Variants in MAL observed in about 807,000 individuals in gnomAD.
The protein encoded by MAL is myelin and lymphocyte protein.
MAL carries 5 observed loss-of-function variants against 16.7 expected under a neutral mutation model. The observed-to-expected ratio is 0.30, with a 90% CI of 0.16 to 0.63. The LOEUF is 0.63. Among genes scored for constraint, MAL ranks in the 30% least tolerant of loss-of-function variants. The pLI is 0.82. For synonymous variants in MAL, 96 were observed against 85.5 expected (o/e 1.12, Z -0.67); for missense variants, 202 against 195.8 (o/e 1.03, Z -0.19).
chr2:95,034,308 G>A (rs931205475), intron 1 of MAL, among the ~76,000 whole-genome samples: 1 of 152,134 alleles, frequency 6.6e-6, no homozygotes, highest in Non-Finnish European at 1.5e-5. Context: ...AGAGCTTGAT[G>A]GAGCAGCCAA....
intron 1 of MAL, among the ~76,000 whole-genome samples, chr2:95,042,439 T>A (rs1179548248): frequency 6.6e-6 from 1 of 152,212 alleles, no homozygotes; most frequent in Non-Finnish European, 1.5e-5. Flanking sequence ...GTGCCCCAGG[T>A]GACTTAATGT....
intron 1 of MAL, among the ~76,000 whole-genome samples, chr2:95,037,172 A>G (rs1407118371): frequency 2.0e-5 from 3 of 150,258 alleles, no homozygotes; most frequent in Non-Finnish European, 4.4e-5. Flanking sequence ...TGAGTGAGTG[A>G]CTGAGTGAGT....
At chr2:95,038,332 CTGAG>C (rs1222197912) in intron 1 of MAL, among the ~76,000 whole-genome samples, 3 of 125,574 alleles carry the variant, frequency 2.4e-5, no homozygotes, top group African/African-American at 6.1e-5. Context: ...GAGTGAGTGA[CTGAG>C]TGAGTGAGTA....
chr2:95,038,564 GTGACTGAGTGACTGAGTGAGTGAC>G (rs1674326214), intron 1 of MAL, among the ~76,000 whole-genome samples: 1 of 151,046 alleles, frequency 6.6e-6, no homozygotes, highest in East Asian at 2.0e-4. Context: ...GAGTGAGTGA[GTGACTGAGTGACTGAGTGAGTGAC>G]TGAGTGACTG....
At chr2:95,026,831 G>A (rs1003509471) in intron 1 of MAL, 13 of 152,312 alleles carry the variant, frequency 8.5e-5, no homozygotes, top group African/African-American at 2.7e-4. Context: ...TCAGCGTGGA[G>A]AGTTGGGCGG....
At chr2:95,049,537 C>T (rs200296629) in intron 2 of MAL, 44 bp from the exon 3 acceptor site, 100 of 1,609,414 alleles carry the variant, frequency 6.2e-5, no homozygotes, top group Non-Finnish European at 7.5e-5. Context: ...ATCTGGGCCC[C>T]GTCTCTCTCT....
rs1215547986 is a variant in MAL at position 95,046,954 on chromosome 2, AAAG to A, written c.94-1002_94-1000del. The stretch of plus-strand genomic sequence containing the variant: ...AGAAAGAGAAAGAAAGAAAGAGAAA[AAAG>A]AAAGAAAGAAAGAAGAAAGAAAGAA... On this transcript the variant is annotated intron_variant, in intron 1 of 3. Coordinates refer to ENST00000309988, the MANE Select transcript of MAL (RefSeq NM_002371.4). Among the ~76,000 whole-genome samples, 11 of 148,148 alleles carry A rather than the reference AAAG, an allele frequency of 7.4e-5. No homozygotes were observed. In the East Asian group the frequency reaches 1.2e-3, roughly 16 times the overall value.
At chr2:95,038,861 T>TGAGTGAGTGAGCAAGTGAGTGAATGACC (rs1674344756) in intron 1 of MAL, among the ~76,000 whole-genome samples, 1 of 12,100 alleles carries the variant, frequency 8.3e-5, no homozygotes, top group Non-Finnish European at 1.4e-4. Context: ...AGTGACTGAG[T>TGAGTGAGTGAGCAAGTGAGTGAATGACC]GAGTGACTGA....
At chr2:95,026,648 T>C (rs1337854732) in intron 1 of MAL, 1 of 151,892 alleles carries the variant, frequency 6.6e-6, no homozygotes, top group East Asian at 2.0e-4. Context: ...CGCTTCCTAC[T>C]GAGAACTCCT....
chr2:95,053,023 A>G (rs1336446441), intron 3 of MAL: 1 of 207,700 alleles, frequency 4.8e-6, no homozygotes, highest in Non-Finnish European at 9.6e-6. Flanking sequence ...TGGGGGAGGA[A>G]GTTGTCCCTG....
rs1674764860 is a variant in MAL at position 95,053,468 on chromosome 2, A to C, written c.*13A>C. On this transcript the variant is annotated 3_prime_UTR_variant, in exon 4 of 4. Transcript: ENST00000309988. ...GAAGTCTTCATAAAGCCGCAGTAGA[A>C]CTTGAGCTGAAAACCCAGATGGTGT... The C allele has an allele frequency of 6.2e-7, 1 of 1,605,296 alleles. No homozygotes were observed. Among genetic ancestry groups the C allele is most frequent in the Admixed American group, 1.7e-5 (1 of 59,962 alleles).
Position 95,048,127 on chromosome 2 carries a change from G to T in MAL, c.261+1G>T. The T allele has an allele frequency of 6.2e-7, 1 of 1,610,886 alleles. No homozygotes were observed. Among genetic ancestry groups the T allele is most frequent in the Non-Finnish European group, 8.5e-7 (1 of 1,177,088 alleles). On this transcript the variant is annotated splice_donor_variant, in intron 2 of 3. Transcript: ENST00000309988. LOFTEE classifies it high-confidence loss of function. ...TGGAGAGACTTCCTGGGTCACCTTG[G>T]TGAGTCCAGCCCAGGGTGGCTGCTG... is the stretch of plus-strand genomic sequence containing the variant.
intron 1 of MAL, among the ~76,000 whole-genome samples, chr2:95,037,935 A>G (rs1674287619): frequency 6.7e-6 from 1 of 150,220 alleles, no homozygotes; most frequent in Non-Finnish European, 1.5e-5. Flanking sequence ...TGAGTGAGTG[A>G]GTGAGTAACT....
chr2:95,048,186 G>A (rs1227856213), intron 2 of MAL, 60 bp downstream of exon 2: 9 of 1,506,714 alleles, frequency 6.0e-6, no homozygotes, highest in Non-Finnish European at 8.3e-6. Flanking sequence ...CTGGTCCCTG[G>A]CCCAGTAGGA....
At chr2:95,043,616 A>G (rs558599719) in intron 1 of MAL, among the ~76,000 whole-genome samples, 3 of 152,246 alleles carry the variant, frequency 2.0e-5, no homozygotes, top group Non-Finnish European at 4.4e-5. Context: ...CCTGTGCTCC[A>G]AAGGCAAGGG....
intron 1 of MAL, among the ~76,000 whole-genome samples, chr2:95,044,906 C>T (rs1433653547): frequency 2.0e-5 from 3 of 152,246 alleles, no homozygotes; most frequent in African/African-American, 4.8e-5. Context: ...ACACCAGTCA[C>T]ATCTTAAGCC....
chr2:95,049,512 G>A, intron 2 of MAL, 69 bp from the exon 3 acceptor site: 2 of 1,586,198 alleles, frequency 1.3e-6, no homozygotes, highest in East Asian at 2.3e-5. Flanking sequence ...GGGGTGGAGG[G>A]GACCTCAGCT....
intron 1 of MAL, among the ~76,000 whole-genome samples, chr2:95,029,687 T>A (rs1170273753): frequency 1.3e-5 from 2 of 152,128 alleles, no homozygotes; most frequent in African/African-American, 2.4e-5. Context: ...AAAGAGTAAT[T>A]CCAATTTACA....
chr2:95,049,312 C>T (rs976608473), intron 2 of MAL, among the ~76,000 whole-genome samples: 6 of 152,238 alleles, frequency 3.9e-5, no homozygotes, highest in Non-Finnish European at 8.8e-5. Flanking sequence ...ACACCCCAAG[C>T]TGCTGGCCCT....
Sources: allele counts gnomAD v4.1 joint callset (sites outside exome capture counted in the v4.1 genomes callset), GRCh38; gene constraint gnomAD v4.1.1; transcripts MANE v1.5; gene names NCBI Gene and HGNC (gene_info 2026-07-23, HGNC 2026-07-21).